PIP4K2A: variants seen among roughly 807,000 people sequenced by gnomAD.
PIP4K2A encodes the protein phosphatidylinositol 5-phosphate 4-kinase type-2 alpha.
PIP4K2A carries 14 observed loss-of-function variants against 42.9 expected under a neutral mutation model. The observed-to-expected ratio is 0.33, with a 90% CI of 0.22 to 0.51. The LOEUF is 0.51. PIP4K2A is among the 20% of genes least tolerant of loss of function. The pLI is 0.97. For synonymous variants in PIP4K2A, 192 were observed against 192.2 expected, an observed-to-expected ratio of 1.00 and a Z score of 0.01; for missense variants, 434 against 519.8, an observed-to-expected ratio of 0.83 and a Z score of 1.61.
At chr10:22,681,382 C>T (rs1839657179) in intron 1 of PIP4K2A, among the ~76,000 whole-genome samples, 1 of 152,224 alleles carries the variant, frequency 6.6e-6, no homozygotes, top group Non-Finnish European at 1.5e-5. Context: ...TTCTCAAGAC[C>T]TGGCTTCTCA....
intron 1 of PIP4K2A, among the ~76,000 whole-genome samples, chr10:22,663,763 T>C (rs989429313): frequency 6.6e-6 from 1 of 151,734 alleles, no homozygotes; most frequent in African/African-American, 2.4e-5. Flanking sequence ...TCTACATTAA[T>C]ATTCCACATA....
intron 1 of PIP4K2A, among the ~76,000 whole-genome samples, chr10:22,664,182 C>CACGT (rs1839296779): frequency 4.6e-5 from 2 of 43,548 alleles, no homozygotes; most frequent in African/African-American, 3.3e-4. Flanking sequence ...TATATATATA[C>CACGT]ATATATATAC....
intron 1 of PIP4K2A, among the ~76,000 whole-genome samples, chr10:22,630,628 C>G (rs187902487): frequency 6.6e-6 from 1 of 152,336 alleles, no homozygotes; most frequent in East Asian, 1.9e-4. Context: ...AGCAGTGACC[C>G]AACCGTTCTG....
At chr10:22,668,287 T>C (rs1025305802) in intron 1 of PIP4K2A, among the ~76,000 whole-genome samples, 1 of 152,180 alleles carries the variant, frequency 6.6e-6, no homozygotes, top group Non-Finnish European at 1.5e-5. Flanking sequence ...TAAAATTCCC[T>C]GCATTAAAAT....
In PIP4K2A at chr10:22,709,479, G is replaced by A. The variant is rs115454082; in HGVS notation, c.144+4704C>T. The stretch of plus-strand genomic sequence containing the variant: ...CCTTCAATTCCAAAATTTGTATTTC[G>A]AAGGCTATGCTGGCAGAATTAATTA... On this transcript the variant is annotated intron_variant, in intron 1 of 9. Transcript: ENST00000376573. 4.8e-3 allele frequency among the ~76,000 whole-genome samples: 735 copies of A among 152,136 alleles called. 3 individuals are homozygous for A. The highest frequency in any genetic ancestry group is 0.017 in the African/African-American group (696 of 41,482).
intron 6 of PIP4K2A, among the ~76,000 whole-genome samples, chr10:22,554,748 A>C (rs1323114301): frequency 3.3e-5 from 5 of 152,028 alleles, no homozygotes; most frequent in African/African-American, 4.8e-5. Context: ...TTGCTGTACG[A>C]CCCTCTGTAC....
chr10:22,586,146 G>A (rs192519940), intron 4 of PIP4K2A, among the ~76,000 whole-genome samples: 6 of 152,238 alleles, frequency 3.9e-5, no homozygotes, highest in East Asian at 1.9e-4. Flanking sequence ...TATTTATAGC[G>A]AAACATTATT....
intron 1 of PIP4K2A, among the ~76,000 whole-genome samples, chr10:22,696,494 T>C (rs1181906944): frequency 6.6e-6 from 1 of 152,200 alleles, no homozygotes; most frequent in South Asian, 2.1e-4. Context: ...TTGGCCACTC[T>C]GATTAAGTAG....
intron 1 of PIP4K2A, chr10:22,713,889 C>A: frequency 4.4e-6 from 1 of 229,540 alleles, no homozygotes; most frequent in Non-Finnish European, 8.5e-6. Context: ...GACCTGCGGG[C>A]GGGCGGGCGG....
chr10:22,561,144 AAAAGG>A (rs1282010951), intron 6 of PIP4K2A, among the ~76,000 whole-genome samples: 2 of 152,222 alleles, frequency 1.3e-5, no homozygotes, highest in African/African-American at 4.8e-5. Flanking sequence ...CCTTCCATTA[AAAAGG>A]AAAGAATTAA....
At position 22,648,132 on chromosome 10, in the gene PIP4K2A, A is replaced by G. The variant is rs563706266; in HGVS notation, c.145-38415T>C. 1.1e-4 allele frequency among the ~76,000 whole-genome samples: 17 copies of G among 152,328 alleles called. No individual in the cohort carries two copies. In the South Asian group the frequency reaches 3.5e-3, roughly 32 times the overall value. Reference sequence around the variant, plus strand: ...TTCCTTCCAGTCTCTGTCCTTTCAGAGTTAACACAAAATTCACTCTGTTTA... The same window carrying G: ...TTCCTTCCAGTCTCTGTCCTTTCAGGGTTAACACAAAATTCACTCTGTTTA... On this transcript the variant is annotated intron_variant, in intron 1 of 9. Transcript: ENST00000376573.
intron 7 of PIP4K2A, 89 bp downstream of exon 7, chr10:22,550,570 G>A (rs1836383116): frequency 1.3e-6 from 1 of 791,458 alleles, no homozygotes; most frequent in Non-Finnish European, 2.2e-6. Context: ...CTTGATTGAA[G>A]ATTTAAATAG....
chr10:22,659,297 CA>C (rs1332518008), intron 1 of PIP4K2A, among the ~76,000 whole-genome samples: 1 of 152,170 alleles, frequency 6.6e-6, no homozygotes, highest in African/African-American at 2.4e-5. Context: ...GGACTACAGA[CA>C]AAAGGCTTTG....
At chr10:22,651,691 C>A (rs1839000103) in intron 1 of PIP4K2A, among the ~76,000 whole-genome samples, 1 of 152,210 alleles carries the variant, frequency 6.6e-6, no homozygotes, top group African/African-American at 2.4e-5. Context: ...ATGTATCTGA[C>A]ATCTGTCTCC....
chr10:22,564,857 G>A (rs747645322), intron 6 of PIP4K2A, among the ~76,000 whole-genome samples: 4 of 152,210 alleles, frequency 2.6e-5, no homozygotes, highest in Non-Finnish European at 4.4e-5. Context: ...CGATTTCCCT[G>A]TGGATATGTC....
chr10:22,690,406 G>C (rs1839842061), intron 1 of PIP4K2A, among the ~76,000 whole-genome samples: 1 of 152,122 alleles, frequency 6.6e-6, no homozygotes, highest in African/African-American at 2.4e-5. Flanking sequence ...AATCATTAGG[G>C]TTCCCCCTAC....
chr10:22,556,992 A>C (rs563022749), intron 6 of PIP4K2A, among the ~76,000 whole-genome samples: 1 of 152,312 alleles, frequency 6.6e-6, no homozygotes, highest in African/African-American at 2.4e-5. Context: ...GTGCGAAGTG[A>C]GATGCACACT....
intron 1 of PIP4K2A, among the ~76,000 whole-genome samples, chr10:22,702,638 C>G (rs887637933): frequency 1.3e-5 from 2 of 152,188 alleles, no homozygotes; most frequent in Non-Finnish European, 2.9e-5. Flanking sequence ...CAATTTGCAG[C>G]AAGTTTTTCC....
At chr10:22,616,093 T>C (rs1838171905) in intron 1 of PIP4K2A, among the ~76,000 whole-genome samples, 2 of 152,200 alleles carry the variant, frequency 1.3e-5, no homozygotes, top group African/African-American at 4.8e-5. Context: ...AGCTTTGTTG[T>C]CTGCATCAAT....
Sources: allele counts gnomAD v4.1 joint callset (sites outside exome capture counted in the v4.1 genomes callset), GRCh38; gene constraint gnomAD v4.1.1; transcripts MANE v1.5; gene names NCBI Gene and HGNC (gene_info 2026-07-23, HGNC 2026-07-21).